The following NPAS3 variants were observed in gnomAD, a reference collection of about 807,000 sequenced individuals.
NPAS3 encodes the protein neuronal PAS domain protein 3, also known as neuronal PAS domain-containing protein 3.
A neutral mutation model predicts 73.1 loss-of-function variants in NPAS3; 14 were observed. The observed-to-expected ratio is 0.19, with a 90% confidence interval of 0.13 to 0.30. NPAS3 has a LOEUF of 0.30. Among genes scored for constraint, NPAS3 ranks in the 10% least tolerant of loss-of-function variants. The pLI, the probability that NPAS3 is intolerant of heterozygous loss-of-function variation, is 1.00. For missense variants in NPAS3, 1,096 were observed against 1,250.0 expected, an observed-to-expected ratio of 0.88 and a Z score of 1.86; for synonymous variants, 620 against 541.5, an observed-to-expected ratio of 1.14 and a Z score of -2.01.
intron 2 of NPAS3, among the ~76,000 whole-genome samples, chr14:33,175,234 G>A (rs964718113): frequency 2.0e-5 from 3 of 152,086 alleles, no homozygotes; most frequent in African/African-American, 7.2e-5. Context: ...TTTTGACAAA[G>A]TTTTTGTTGT....
intron 4 of NPAS3, among the ~76,000 whole-genome samples, chr14:33,420,000 T>C (rs2048307664): frequency 6.6e-6 from 1 of 151,980 alleles, no homozygotes; most frequent in Admixed American, 6.6e-5. Context: ...ATGCAAGGTA[T>C]TTGTCAACAT....
chr14:33,226,635 C>T (rs946454139), intron 3 of NPAS3, among the ~76,000 whole-genome samples: 1 of 152,252 alleles, frequency 6.6e-6, no homozygotes, highest in East Asian at 1.9e-4. Context: ...TAGGAAATAG[C>T]TCCTGTGGTC....
chr14:33,471,833 C>T (rs958031641), intron 4 of NPAS3, among the ~76,000 whole-genome samples: 4 of 152,176 alleles, frequency 2.6e-5, no homozygotes, highest in Admixed American at 6.5e-5. Flanking sequence ...AGGCAAGCGG[C>T]GAGCGAGAGA....
intron 5 of NPAS3, among the ~76,000 whole-genome samples, chr14:33,638,065 A>T (rs1023380377): frequency 7.2e-5 from 11 of 152,328 alleles, no homozygotes; most frequent in Non-Finnish European, 1.6e-4. Flanking sequence ...AACTGAGCAG[A>T]CTTATTTTTG....
chr14:33,033,231 A>T (rs891907904), intron 1 of NPAS3, among the ~76,000 whole-genome samples: 11 of 152,210 alleles, frequency 7.2e-5, no homozygotes, highest in Non-Finnish European at 1.3e-4. Context: ...GTTATCCCAG[A>T]ACTTTGGAAG....
rs1263432056 is a variant in NPAS3 at position 33,619,121 on chromosome 14, TCTTA to T, written c.559-57086_559-57083del. Among the ~76,000 whole-genome samples the T allele has an allele frequency of 2.6e-5, 4 of 152,244 alleles. No individual in the cohort carries two copies. The East Asian group carries it at 5.8e-4, about 22-fold the overall frequency. On this transcript the variant is annotated intron_variant, in intron 5 of 11. Transcript: ENST00000356141. ...ACCATTTCTTTGATTCAGGTTTCAG[TCTTA>T]CTTTGAGATAGAAGTTCTTTAGCTT... is the stretch of plus-strand genomic sequence containing the variant.
intron 5 of NPAS3, among the ~76,000 whole-genome samples, chr14:33,664,474 C>T (rs1215732477): frequency 6.6e-6 from 1 of 152,166 alleles, no homozygotes; most frequent in Admixed American, 6.5e-5. Context: ...GGCTTCATGA[C>T]TAAAACACCA....
chr14:33,578,135 C>A (rs990628902), intron 5 of NPAS3: 2 of 455,984 alleles, frequency 4.4e-6, no homozygotes, highest in Non-Finnish European at 8.8e-6. Context: ...GAGTTCTAAA[C>A]CTACTCTTAC....
At chr14:33,754,218 T>C (rs1200961689) in intron 7 of NPAS3, among the ~76,000 whole-genome samples, 3 of 152,118 alleles carry the variant, frequency 2.0e-5, no homozygotes, top group African/African-American at 4.8e-5. Flanking sequence ...AGGGCTTTTT[T>C]CCCTGATATT....
At chr14:33,269,262 G>A (rs1485512899) in intron 3 of NPAS3, among the ~76,000 whole-genome samples, 1 of 152,100 alleles carries the variant, frequency 6.6e-6, no homozygotes, top group Non-Finnish European at 1.5e-5. Context: ...CCATATTAAA[G>A]TTTAATCCAC....
intron 1 of NPAS3, among the ~76,000 whole-genome samples, chr14:32,986,227 G>A (rs1188041840): frequency 1.3e-5 from 2 of 152,196 alleles, no homozygotes; most frequent in Non-Finnish European, 2.9e-5. Flanking sequence ...CCCTCCAAGT[G>A]TGACCTGTGT....
chr14:33,110,046 G>A lies in NPAS3; in HGVS notation c.140+54052G>A, dbSNP rs1022476705. Among the ~76,000 whole-genome samples the A allele has an allele frequency of 3.3e-5, 5 of 151,712 alleles. No homozygotes were observed. In the East Asian group the frequency reaches 5.8e-4, roughly 18 times the overall value. Reference sequence around the variant, plus strand: ...CGAAGGCTATTTCTGTGTCCTGGCCGAGAGCTCTCTGTAATAGTATTTTGC... The same window carrying A: ...CGAAGGCTATTTCTGTGTCCTGGCCAAGAGCTCTCTGTAATAGTATTTTGC... On this transcript the variant is annotated intron_variant, in intron 2 of 11. Coordinates refer to ENST00000356141, the Ensembl canonical transcript of NPAS3.
chr14:33,081,093 C>T (rs2041849672), intron 2 of NPAS3, among the ~76,000 whole-genome samples: 1 of 152,072 alleles, frequency 6.6e-6, no homozygotes, highest in African/African-American at 2.4e-5. Context: ...ATGAGGGAAG[C>T]CTTGCTGTAT....
chr14:33,421,862 TAGATTGAA>T (rs767413710), intron 4 of NPAS3, among the ~76,000 whole-genome samples: 10 of 151,952 alleles, frequency 6.6e-5, no homozygotes, highest in Non-Finnish European at 1.3e-4. Context: ...GAAAGATGAT[TAGATTGAA>T]AGATTGAAAG....
intron 4 of NPAS3, among the ~76,000 whole-genome samples, chr14:33,530,182 A>C (rs1362795507): frequency 6.6e-6 from 1 of 152,158 alleles, no homozygotes; most frequent in Non-Finnish European, 1.5e-5. Flanking sequence ...AAAACGGTTT[A>C]ATTATAAAAA....
chr14:33,542,850 C>G (rs965030166), intron 4 of NPAS3, among the ~76,000 whole-genome samples: 1 of 152,198 alleles, frequency 6.6e-6, no homozygotes, highest in African/African-American at 2.4e-5. Context: ...GACACTGTGA[C>G]CACTGCTTGC....
intron 3 of NPAS3, among the ~76,000 whole-genome samples, chr14:33,228,004 A>G (rs2047699294): frequency 1.3e-5 from 2 of 152,316 alleles, no homozygotes; most frequent in South Asian, 2.1e-4. Flanking sequence ...AAAAAATGGC[A>G]TAGTTGGACC....
intron 4 of NPAS3, among the ~76,000 whole-genome samples, chr14:33,518,302 G>C (rs2053397458): frequency 6.6e-6 from 1 of 151,866 alleles, no homozygotes; most frequent in African/African-American, 2.4e-5. Flanking sequence ...GTGGGGGTGG[G>C]AGAGATAGGA....
At chr14:33,577,842 A>G (rs2056501598) in intron 5 of NPAS3, among the ~76,000 whole-genome samples, 1 of 152,250 alleles carries the variant, frequency 6.6e-6, no homozygotes, top group African/African-American at 2.4e-5. Context: ...CCTGAGCCAT[A>G]GTCCTTACGA....
Sources: allele counts gnomAD v4.1 joint callset (sites outside exome capture counted in the v4.1 genomes callset), GRCh38; gene constraint gnomAD v4.1.1; transcripts MANE v1.5; gene names NCBI Gene and HGNC (gene_info 2026-07-23, HGNC 2026-07-21).